The following RAD51B variants were observed in gnomAD, a reference collection of about 807,000 sequenced individuals.
RAD51B encodes DNA repair protein RAD51 homolog 2.
RAD51B carries 38 observed loss-of-function variants against 42.2 expected under a neutral mutation model. The observed-to-expected ratio is 0.90, with a 90% CI of 0.70 to 1.18. RAD51B has a LOEUF of 1.18. RAD51B is among the 50% of genes most tolerant of loss of function. The probability of loss-of-function intolerance (pLI) is 0.00; values close to 1 mark genes in which losing one functional copy is unlikely to be tolerated. For synonymous variants in RAD51B, 154 were observed against 145.2 expected (o/e 1.06, Z -0.43); for missense variants, 373 against 400.7 (o/e 0.93, Z 0.59).
At chr14:68,455,810 T>G (rs2085671317) in intron 9 of RAD51B, among the ~76,000 whole-genome samples, 2 of 151,970 alleles carry the variant, frequency 1.3e-5, no homozygotes. Flanking sequence ...TGTATTTTCA[T>G]TTGTAAGTCT....
chr14:68,227,459 T>TA (rs1319557491), intron 7 of RAD51B, among the ~76,000 whole-genome samples: 3 of 152,246 alleles, frequency 2.0e-5, no homozygotes, highest in African/African-American at 7.2e-5. Flanking sequence ...GTAATACTGA[T>TA]ATCCACCTCA....
rs146236296 is a variant in RAD51B, at chr14:68,605,521, G to A, written c.1037-5485G>A. ...CGACTGGCTAACAGTTTAACAAGAA[G>A]GGAAACTTTGGAGAGGAACTTTTAC... On this transcript the variant is annotated intron_variant, in intron 10 of 10. Transcript: ENST00000487861. 5.8e-3 allele frequency among the ~76,000 whole-genome samples: 879 copies of A among 152,348 alleles called. 10 individuals are homozygous for A. The highest frequency in any genetic ancestry group is 0.024 in the Middle Eastern group (7 of 294).
chr14:67,875,877 A>G (rs770274025), intron 5 of RAD51B, among the ~76,000 whole-genome samples: 3 of 152,242 alleles, frequency 2.0e-5, no homozygotes, highest in African/African-American at 4.8e-5. Context: ...GACCATTGAC[A>G]TATTGACATA....
intron 5 of RAD51B, among the ~76,000 whole-genome samples, chr14:67,866,429 G>A (rs2042338715): frequency 6.6e-6 from 1 of 152,218 alleles, no homozygotes; most frequent in Admixed American, 6.5e-5. Flanking sequence ...GTATTAAATA[G>A]CCAGTTATGT....
chr14:68,387,406 C>T (rs925436443), intron 8 of RAD51B, among the ~76,000 whole-genome samples: 2 of 152,194 alleles, frequency 1.3e-5, no homozygotes, highest in Admixed American at 1.3e-4. Context: ...CAACCTACAG[C>T]AAGTGGCATA....
intron 10 of RAD51B, among the ~76,000 whole-genome samples, chr14:68,521,988 G>A (rs932532594): frequency 3.3e-5 from 5 of 152,154 alleles, no homozygotes; most frequent in Admixed American, 6.5e-5. Context: ...AGGTTGGGTC[G>A]GTTACTCTTC....
At chr14:67,847,967 G>A (rs1047951319) in intron 4 of RAD51B, among the ~76,000 whole-genome samples, 4 of 152,138 alleles carry the variant, frequency 2.6e-5, no homozygotes, top group African/African-American at 9.7e-5. Flanking sequence ...GTGCTCCAAT[G>A]TTTGATGGGT....
chr14:68,121,035 A>C (rs1318971302), intron 7 of RAD51B, among the ~76,000 whole-genome samples: 1 of 152,182 alleles, frequency 6.6e-6, no homozygotes, highest in Non-Finnish European at 1.5e-5. Context: ...TATAATGTAA[A>C]GTAAAAATTA....
intron 10 of RAD51B, among the ~76,000 whole-genome samples, chr14:68,588,601 CA>C (rs771744467): frequency 6.6e-6 from 1 of 152,108 alleles, no homozygotes; most frequent in Admixed American, 6.5e-5. Context: ...GTTCTGGGGA[CA>C]GGGGCATTCC....
intron 10 of RAD51B, chr14:68,540,169 T>G: frequency 2.3e-6 from 1 of 438,582 alleles, no homozygotes; most frequent in Non-Finnish European, 2.9e-6. Flanking sequence ...CCTGCTCCTT[T>G]TTTTTTTTTT....
At chr14:68,673,599 A>G (rs1343891184) in intron 11 of RAD51B, among the ~76,000 whole-genome samples, 3 of 121,600 alleles carry the variant, frequency 2.5e-5, no homozygotes, top group Admixed American at 2.4e-4. Context: ...ACACATATGT[A>G]CATGCACACA....
intron 7 of RAD51B, among the ~76,000 whole-genome samples, chr14:67,960,579 A>G (rs375666306): frequency 6.6e-6 from 1 of 152,240 alleles, no homozygotes; most frequent in African/African-American, 2.4e-5. Context: ...GATAAAATAA[A>G]TTTAAGATAA....
intron 10 of RAD51B, among the ~76,000 whole-genome samples, chr14:68,513,274 G>A (rs561764238): frequency 6.6e-6 from 1 of 152,232 alleles, no homozygotes; most frequent in Non-Finnish European, 1.5e-5. Flanking sequence ...GCACCTCATG[G>A]GTGGTGCTTC....
At chr14:68,212,788 G>C (rs1035959060) in intron 7 of RAD51B, among the ~76,000 whole-genome samples, 1 of 152,164 alleles carries the variant, frequency 6.6e-6, no homozygotes, top group Non-Finnish European at 1.5e-5. Flanking sequence ...TGATTATTAG[G>C]AGTCAATATG....
At chr14:68,633,301 T>TCGGG (rs1192819725) in intron 10 of RAD51B, among the ~76,000 whole-genome samples, 2 of 152,192 alleles carry the variant, frequency 1.3e-5, no homozygotes, top group East Asian at 1.9e-4. Flanking sequence ...ACAGCTGTGA[T>TCGGG]CGGGACATGT....
chr14:68,138,559 C>T (rs569572225), intron 7 of RAD51B, among the ~76,000 whole-genome samples: 1 of 152,044 alleles, frequency 6.6e-6, no homozygotes, highest in South Asian at 2.1e-4. Flanking sequence ...TTCTGTCTTT[C>T]TCTGTATCTG....
intron 7 of RAD51B, among the ~76,000 whole-genome samples, chr14:67,977,336 G>A (rs1362260302): frequency 1.3e-5 from 2 of 152,214 alleles, no homozygotes; most frequent in Admixed American, 6.5e-5. Context: ...TCATGAGGAT[G>A]AGCTGGGACT....
exon 11 of RAD51B, chr14:68,594,576 G>A (rs753916434): frequency 7.7e-7 from 1 of 1,306,140 alleles, no homozygotes. Context: ...GACTACAGAT[G>A]TGCCACCATA....
intron 11 of RAD51B, among the ~76,000 whole-genome samples, chr14:68,666,697 C>T (rs1289447557): frequency 2.0e-5 from 3 of 152,306 alleles, no homozygotes; most frequent in Non-Finnish European, 2.9e-5. Context: ...TAGTGAAACT[C>T]CCTTATTTAT....
Sources: gnomAD v4.1 joint callset for allele counts (sites outside exome capture counted in the v4.1 genomes callset) on GRCh38, gnomAD v4.1.1 for gene constraint, MANE v1.5 for transcripts, NCBI Gene and HGNC (gene_info 2026-07-23, HGNC 2026-07-21) for gene names.